The following PCM1 variants were observed in gnomAD, a reference collection of about 807,000 sequenced individuals.
PCM1 encodes the protein pericentriolar material 1 protein.
PCM1 carries 157 observed loss-of-function variants against 241.9 expected under a neutral mutation model. That is an observed-to-expected ratio of 0.65 (90% CI 0.57 to 0.74). The LOEUF is 0.74. Among genes scored for constraint, PCM1 ranks in the 30% least tolerant of loss-of-function variants. PCM1 has a pLI of 0.00. For synonymous variants in PCM1, 1,085 were observed against 784.9 expected (o/e 1.38, Z -6.39); for missense variants, 3,478 against 2,360.1 (o/e 1.47, Z -9.81).
chr8:17,965,859 C>G (rs910364171), intron 18 of PCM1, 140 bp from the exon 19 acceptor site: 2 of 585,840 alleles, frequency 3.4e-6, no homozygotes, highest in African/African-American at 1.9e-5. Context: ...TCTCCCCCCT[C>G]TATATTTTTT....
intron 22 of PCM1, 86 bp from the exon 23 acceptor site, chr8:17,972,243 T>C: frequency 1.9e-6 from 1 of 523,064 alleles, no homozygotes; most frequent in Admixed American, 4.7e-5. Context: ...CACCTAAATC[T>C]ACTCGAGTAG....
chr8:17,933,752 A>C (rs1221846135), intron 2 of PCM1, among the ~76,000 whole-genome samples: 1 of 152,008 alleles, frequency 6.6e-6, no homozygotes, highest in Non-Finnish European at 1.5e-5. Context: ...TAAGAATACC[A>C]CCTTTTCTCT....
chr8:17,937,101 G>C lies in PCM1; in HGVS notation c.97-33G>C, dbSNP rs372363283. 14 of 1,509,482 alleles carry C rather than the reference G, an allele frequency of 9.3e-6. No homozygotes were observed. The African/African-American group carries it at 1.7e-4, about 18-fold the overall frequency. 93.5% of individuals were successfully genotyped at this position (1,509,482 alleles called of 1,614,324 possible). A position where few individuals can be genotyped will look rare whatever the true frequency, so the allele number is the denominator to read the frequency against. ...AATCTATTTTCCTGGTTTGATACAG[G>C]CCATGTTAATTTTTGCTTTTACTTT... On this transcript the variant is annotated intron_variant, in intron 3 of 38. Transcript: ENST00000325083.
At chr8:17,958,824 C>T (rs112132243) in intron 13 of PCM1, among the ~76,000 whole-genome samples, 14 of 151,988 alleles carry the variant, frequency 9.2e-5, no homozygotes, top group African/African-American at 2.4e-4. Context: ...CGGGTTCAAG[C>T]GATTCTTCTG....
rs2094344445 is a variant in PCM1, at chr8:18,027,924, T to G, written c.*262T>G. On this transcript the variant is annotated 3_prime_UTR_variant, in exon 39 of 39. Transcript: ENST00000325083. Reference sequence around the variant, plus strand: ...TTTTTTTCCCCATTGTGATGTTTGGTAACGAATTTAAAATGTAGTTTTAAA... The same window carrying G: ...TTTTTTTCCCCATTGTGATGTTTGGGAACGAATTTAAAATGTAGTTTTAAA... The G allele has an allele frequency of 2.7e-6, 1 of 364,632 alleles. No homozygotes were observed. Among genetic ancestry groups the G allele is most frequent in the Admixed American group, 4.5e-5 (1 of 22,314 alleles). The allele number at this position is 364,632 out of a possible 1,614,324, so 22.6% of individuals were successfully genotyped here.
At chr8:18,004,813 C>T (rs2090781474) in intron 29 of PCM1, among the ~76,000 whole-genome samples, 1 of 152,126 alleles carries the variant, frequency 6.6e-6, no homozygotes, top group African/African-American at 2.4e-5. Context: ...GACCTTAATT[C>T]ATATTCTTAC....
chr8:17,999,297 C>T (rs761052039), intron 29 of PCM1, among the ~76,000 whole-genome samples: 4 of 152,090 alleles, frequency 2.6e-5, no homozygotes, highest in Non-Finnish European at 4.4e-5. Context: ...ACCCAAGGCC[C>T]ATGGCATACT....
At chr8:17,955,435 T>A in intron 9 of PCM1, 35 bp from the exon 10 acceptor site, 1 of 1,499,850 alleles carries the variant, frequency 6.7e-7, no homozygotes, top group Non-Finnish European at 8.9e-7. Flanking sequence ...TAACTGGTGA[T>A]TAAAAAAAAT....
At chr8:18,006,717 C>G (rs1329252660) in intron 30 of PCM1, among the ~76,000 whole-genome samples, 4 of 152,116 alleles carry the variant, frequency 2.6e-5, no homozygotes, top group African/African-American at 9.7e-5. Context: ...GTGGCTGTTT[C>G]TAAAATAATT....
At chr8:17,970,142 A>G (rs1254858997) in intron 22 of PCM1, among the ~76,000 whole-genome samples, 2 of 152,132 alleles carry the variant, frequency 1.3e-5, no homozygotes, top group African/African-American at 2.4e-5. Context: ...CTATTCAAAT[A>G]TAATGTTGAG....
At chr8:17,996,438 C>T (rs767371654) in intron 29 of PCM1, among the ~76,000 whole-genome samples, 143 of 151,960 alleles carry the variant, frequency 9.4e-4, no homozygotes, top group Non-Finnish European at 1.5e-3. Flanking sequence ...TCCGAGGTAT[C>T]GGTTGTAATG....
rs1013614173 is a variant in PCM1 at position 17,924,693 on chromosome 8, A to C, written c.-90-20A>C. 6.6e-6 allele frequency: 1 copy of C among 152,256 alleles called. No homozygotes were observed. The highest frequency in any genetic ancestry group is 1.5e-5 in the Non-Finnish European group (1 of 68,054). The allele number at this position is 152,256 out of a possible 1,614,324, so 9.4% of individuals were successfully genotyped here. On this transcript the variant is annotated intron_variant, in intron 1 of 38. Transcript: ENST00000325083. ...CGTAAGTAATTTACTTAAGTGATAC[A>C]TATTTTTAATCCTAATTAGGAAACA...
chr8:17,935,135 G>A (rs577938965), intron 2 of PCM1, among the ~76,000 whole-genome samples: 26 of 152,298 alleles, frequency 1.7e-4, no homozygotes, highest in South Asian at 6.2e-4. Flanking sequence ...TTCTTGCAGA[G>A]CAGTTCTCCC....
chr8:17,949,588 C>T (rs1331551576), intron 7 of PCM1, among the ~76,000 whole-genome samples: 2 of 151,330 alleles, frequency 1.3e-5, no homozygotes, highest in East Asian at 1.9e-4. Flanking sequence ...GCCTCTGCCT[C>T]GCAGGTTCAA....
intron 13 of PCM1, among the ~76,000 whole-genome samples, chr8:17,958,156 C>T (rs2069584100): frequency 2.0e-5 from 3 of 152,084 alleles, no homozygotes; most frequent in Admixed American, 2.0e-4. Flanking sequence ...GCTGACAACT[C>T]TGGCCTTATA....
chr8:17,961,495 T>A (rs2072058701), intron 15 of PCM1, among the ~76,000 whole-genome samples: 1 of 151,974 alleles, frequency 6.6e-6, no homozygotes, highest in Non-Finnish European at 1.5e-5. Flanking sequence ...GTATTTTTAG[T>A]AGAGACGGGG....
At position 17,959,906 on chromosome 8, in the gene PCM1, C is replaced by G. The variant is rs939775434; in HGVS notation, c.2041-108C>G. 3.7e-6 allele frequency: 4 copies of G among 1,068,580 alleles called. No homozygotes were observed. In the East Asian group the frequency reaches 1.0e-4, roughly 28 times the overall value. The allele number at this position is 1,068,580 out of a possible 1,614,324, so 66.2% of individuals were successfully genotyped here. A position where few individuals can be genotyped will look rare whatever the true frequency, so the allele number is the denominator to read the frequency against. On this transcript the variant is annotated intron_variant, in intron 13 of 38. Coordinates refer to ENST00000325083, the MANE Select transcript of PCM1 (RefSeq NM_006197.4). ...GTATACAAACGTGCTTTCTTTACTG[C>G]TTTAATCTTTTTATGTAAATTTTAC...
Position 17,955,561 on chromosome 8 carries a change from C to A in PCM1, c.1380C>A (p.Ser460Arg). 6.2e-7 allele frequency: 1 copy of A among 1,613,468 alleles called. No individual in the cohort carries two copies. Among genetic ancestry groups the A allele is most frequent in the East Asian group, 2.2e-5 (1 of 44,874 alleles). The change falls in exon 10 of 39, where the codon AGC becomes AGA. Residue 460 changes from serine (S) to arginine (R), a missense_variant. By Grantham distance (110) the Ser-to-Arg change is moderately radical. Transcript: ENST00000325083. ...LAPVVNGESN[S>R]LTSSVPYPTA... is the part of the protein sequence containing the mutation. ...CGGTTGTCAATGGAGAATCCAATAG[C>A]CTCACATCATCTGTTCCTTATCCTA... is the stretch of plus-strand genomic sequence containing the variant.
chr8:17,949,475 A>G (rs900811940), intron 7 of PCM1, among the ~76,000 whole-genome samples: 2 of 151,644 alleles, frequency 1.3e-5, no homozygotes, highest in African/African-American at 4.9e-5. Flanking sequence ...GAAGCAATTT[A>G]TAACTAATTG....
Sources: gnomAD v4.1 joint callset for allele counts (sites outside exome capture counted in the v4.1 genomes callset) on GRCh38, gnomAD v4.1.1 for gene constraint, MANE v1.5 for transcripts, NCBI Gene and HGNC (gene_info 2026-07-23, HGNC 2026-07-21) for gene names.